The following SASH1 variants were observed in gnomAD, a reference collection of about 807,000 sequenced individuals.
SASH1 encodes SAM and SH3 domain-containing protein 1.
SASH1 carries 44 observed loss-of-function variants against 125.2 expected under a neutral mutation model. The ratio of observed to expected loss-of-function variants is 0.35; its 90% CI spans 0.28 to 0.45. SASH1 has a LOEUF of 0.45. Ranked by LOEUF, SASH1 falls within the 20% of genes least tolerant of loss-of-function variation. SASH1 has a pLI of 1.00. For missense variants in SASH1, 1,426 were observed against 1,614.5 expected, an observed-to-expected ratio of 0.88 and a Z score of 2.00; for synonymous variants, 639 against 649.1, an observed-to-expected ratio of 0.98 and a Z score of 0.24.
intron 4 of SASH1, among the ~76,000 whole-genome samples, chr6:148,451,555 C>T (rs930795168): frequency 6.6e-5 from 10 of 151,990 alleles, no homozygotes; most frequent in African/African-American, 1.9e-4. Flanking sequence ...CCTAGCTACT[C>T]GGGAGGCTGA....
rs532123959 is a variant in SASH1, at chr6:148,441,797, C to G, written c.386+1390C>G. On this transcript the variant is annotated intron_variant, in intron 4 of 19. Coordinates refer to ENST00000367467, the MANE Select transcript of SASH1 (RefSeq NM_015278.5). The stretch of plus-strand genomic sequence containing the variant: ...TAGGCTGGGTAGTACTTCTTCCCCT[C>G]AATTGTGGAGAGTCATTCTTTCCGT... Among the ~76,000 whole-genome samples, 4 of 152,290 alleles carry G rather than the reference C, an allele frequency of 2.6e-5. No individual in the cohort carries two copies. In the East Asian group the frequency reaches 7.7e-4, roughly 29 times the overall value.
At chr6:148,453,562 C>T (rs549010281) in intron 4 of SASH1, among the ~76,000 whole-genome samples, 8 of 152,128 alleles carry the variant, frequency 5.3e-5, no homozygotes, top group Admixed American at 2.0e-4. Flanking sequence ...TGTTTATCTG[C>T]AAGGGGCAGA....
At chr6:148,537,776 CTGTGTGTGTGTGTG>C (rs55644027) in intron 16 of SASH1, among the ~76,000 whole-genome samples, 13,586 of 125,642 alleles carry the variant, frequency 0.11, 718 homozygotes, top group Middle Eastern at 0.14. Flanking sequence ...TTAGCATATT[CTGTGTGTGTGTGTG>C]TGTGTGTGTG....
chr6:148,440,435 C>G, intron 4 of SASH1, 28 bp downstream of exon 4: 1 of 1,604,810 alleles, frequency 6.2e-7, no homozygotes, highest in Non-Finnish European at 8.5e-7. Context: ...TGCCCAGGAC[C>G]ACCTTCCAAG....
rs1781419212 is a variant in SASH1, at chr6:148,530,013, G to A, written c.1429-1513G>A. 2.0e-5 allele frequency among the ~76,000 whole-genome samples: 3 copies of A among 152,088 alleles called. No individual in the cohort carries two copies. The South Asian group carries it at 6.2e-4, about 32-fold the overall frequency. ...GTAGAGATGGGGTTTCACTACGTTGGCCAGGCTGGTCTCGAACTCCTGACC... is the reference window on the plus strand; with the variant it reads ...GTAGAGATGGGGTTTCACTACGTTGACCAGGCTGGTCTCGAACTCCTGACC... On this transcript the variant is annotated intron_variant, in intron 12 of 19. Transcript: ENST00000367467.
intron 2 of SASH1, among the ~76,000 whole-genome samples, chr6:148,413,610 G>C (rs538329354): frequency 6.6e-6 from 1 of 152,320 alleles, no homozygotes; most frequent in South Asian, 2.1e-4. Context: ...ATTCGTCATT[G>C]TGCTCTTAGC....
chr6:148,403,790 C>T (rs1172674072), intron 2 of SASH1, among the ~76,000 whole-genome samples: 1 of 152,188 alleles, frequency 6.6e-6, no homozygotes, highest in Admixed American at 6.5e-5. Flanking sequence ...CCTCGACCTC[C>T]CGAAGTGCTG....
chr6:148,523,401 G>A (rs1486217284), intron 10 of SASH1, among the ~76,000 whole-genome samples: 1 of 152,222 alleles, frequency 6.6e-6, no homozygotes, highest in Non-Finnish European at 1.5e-5. Context: ...TGCTTACCCA[G>A]TTAGGTGATT....
At chr6:148,376,598 A>G (rs986426486) in intron 1 of SASH1, among the ~76,000 whole-genome samples, 2 of 152,110 alleles carry the variant, frequency 1.3e-5, no homozygotes, top group African/African-American at 4.8e-5. Flanking sequence ...ATGGTGCCTC[A>G]TGCCTGTAAT....
the SASH1 span, among the ~76,000 whole-genome samples, chr6:148,227,823 A>G: frequency 6.6e-6 from 1 of 152,170 alleles, no homozygotes. Flanking sequence ...AGAAAACCAC[A>G]ATAGTTATTG....
intron 12 of SASH1, 105 bp from the exon 13 acceptor site, chr6:148,531,421 A>C: frequency 5.1e-6 from 5 of 973,736 alleles, no homozygotes; most frequent in Non-Finnish European, 7.2e-6. Context: ...AAATATAGGT[A>C]TAGATTGATT....
At chr6:148,292,275 A>G (rs1443084936) in intron 1 of SASH1, among the ~76,000 whole-genome samples, 3 of 152,048 alleles carry the variant, frequency 2.0e-5, no homozygotes, top group African/African-American at 7.2e-5. Flanking sequence ...ATTTTTTTTA[A>G]GCATTTAAAC....
the SASH1 span, among the ~76,000 whole-genome samples, chr6:148,229,799 G>T: frequency 7.1e-6 from 1 of 140,544 alleles, no homozygotes; most frequent in South Asian, 2.2e-4. Context: ...TTGGCTTACT[G>T]CCTCCAGGTT....
chr6:148,368,776 A>G (rs143358875), intron 1 of SASH1, among the ~76,000 whole-genome samples: 1 of 127,956 alleles, frequency 7.8e-6, no homozygotes. Context: ...GCGCGCACAC[A>G]CACACACACA....
chr6:148,526,637 T>C (rs1023269545), intron 11 of SASH1, among the ~76,000 whole-genome samples: 1 of 152,132 alleles, frequency 6.6e-6, no homozygotes, highest in Non-Finnish European at 1.5e-5. Context: ...GAGAAGTTTG[T>C]TTTTTAAAAA....
At chr6:148,382,854 C>T (rs1562367029) in intron 1 of SASH1, among the ~76,000 whole-genome samples, 2 of 152,196 alleles carry the variant, frequency 1.3e-5, no homozygotes, top group Non-Finnish European at 2.9e-5. Context: ...AAATAAGCCT[C>T]ACTCCAGCCA....
At chr6:148,448,149 T>C (rs1005723280) in intron 4 of SASH1, among the ~76,000 whole-genome samples, 2 of 151,992 alleles carry the variant, frequency 1.3e-5, no homozygotes, top group African/African-American at 4.8e-5. Context: ...TATGTGTGTG[T>C]GTGCGTGCGT....
chr6:148,513,558 T>C (rs1780271550), intron 8 of SASH1: 1 of 985,342 alleles, frequency 1.0e-6, no homozygotes, highest in African/African-American at 1.7e-5. Flanking sequence ...GAGATATTTT[T>C]CCCTCTCTCT....
At chr6:148,385,956 G>T (rs968435330) in intron 1 of SASH1, among the ~76,000 whole-genome samples, 1 of 152,206 alleles carries the variant, frequency 6.6e-6, no homozygotes, top group Non-Finnish European at 1.5e-5. Context: ...AAAGGGGGTC[G>T]TGGGAACCCT....
Sources: gnomAD v4.1 joint callset for allele counts (sites outside exome capture counted in the v4.1 genomes callset) on GRCh38, gnomAD v4.1.1 for gene constraint, MANE v1.5 for transcripts, NCBI Gene and HGNC (gene_info 2026-07-23, HGNC 2026-07-21) for gene names.